Variants in JMY observed in about 807,000 individuals in gnomAD.
JMY encodes the protein junction mediating and regulatory protein, p53 cofactor.
Under a neutral mutation model 103.3 loss-of-function variants are expected in JMY, and 46 were observed. The observed-to-expected ratio is 0.45, with a 90% CI of 0.35 to 0.57. JMY has a LOEUF of 0.57. JMY is among the 20% of genes least tolerant of loss of function. The probability of loss-of-function intolerance (pLI) is 0.00; values close to 1 mark genes in which losing one functional copy is unlikely to be tolerated. For missense variants in JMY, 1,238 were observed against 1,255.2 expected (o/e 0.99, Z 0.21); for synonymous variants, 526 against 489.3 (o/e 1.07, Z -0.99).
intron 7 of JMY, among the ~76,000 whole-genome samples, chr5:79,307,482 CGTGT>C (rs1366729231): frequency 6.6e-6 from 1 of 151,760 alleles, no homozygotes; most frequent in African/African-American, 2.4e-5. Context: ...TGTGTGGGTG[CGTGT>C]GTGTGTTTAA....
chr5:79,268,259 A>G (rs1745642153), intron 1 of JMY, among the ~76,000 whole-genome samples: 1 of 152,090 alleles, frequency 6.6e-6, no homozygotes, highest in African/African-American at 2.4e-5. Flanking sequence ...TCAGTCATCT[A>G]TCAAAGTAAA....
At chr5:79,260,757 TAAC>T (rs1745397906) in intron 1 of JMY, among the ~76,000 whole-genome samples, 1 of 151,836 alleles carries the variant, frequency 6.6e-6, no homozygotes, top group African/African-American at 2.4e-5. Flanking sequence ...ATTTTAGTAT[TAAC>T]AAGTAATAAT....
intron 1 of JMY, among the ~76,000 whole-genome samples, chr5:79,273,327 TTTG>T (rs1320905058): frequency 2.0e-5 from 3 of 152,170 alleles, no homozygotes; most frequent in East Asian, 1.9e-4. Flanking sequence ...TGACAGATGT[TTTG>T]TTGTGTTTTG....
intron 1 of JMY, among the ~76,000 whole-genome samples, chr5:79,259,905 G>A (rs1452916672): frequency 2.6e-5 from 4 of 152,210 alleles, no homozygotes; most frequent in Admixed American, 6.5e-5. Context: ...CCCTGGGAGG[G>A]TGGGAATCCT....
chr5:79,305,388 G>T (rs540066972), intron 6 of JMY, among the ~76,000 whole-genome samples: 6 of 152,094 alleles, frequency 3.9e-5, no homozygotes. Context: ...GGAGGCGGAG[G>T]TTGCAGTAAG....
At chr5:79,321,373 A>G (rs1294203288) in intron 10 of JMY, among the ~76,000 whole-genome samples, 1 of 152,216 alleles carries the variant, frequency 6.6e-6, no homozygotes, top group East Asian at 1.9e-4. Flanking sequence ...TTTTTAGTAT[A>G]TAGTTTTCAT....
rs761818036 is a variant in JMY, at chr5:79,277,899, T to G, written c.1033-11T>G. ...TGATTTTCTTAGTTGTGAAACTGTC[T>G]TGTTCCACAGCTCTTGGATAAGCAC... On this transcript the variant is annotated splice_polypyrimidine_tract_variant and intron_variant, in intron 1 of 10. Coordinates refer to ENST00000396137, the MANE Select transcript of JMY (RefSeq NM_152405.5). 2 of 1,603,238 alleles carry G rather than the reference T, an allele frequency of 1.2e-6. No homozygotes were observed. The highest frequency in any genetic ancestry group is 1.7e-6 in the Non-Finnish European group (2 of 1,172,568).
chr5:79,251,611 G>T (rs1027816312), intron 1 of JMY, among the ~76,000 whole-genome samples: 2 of 151,246 alleles, frequency 1.3e-5, no homozygotes, highest in African/African-American at 4.9e-5. Flanking sequence ...CAAATACCGG[G>T]TCTCATTCAT....
chr5:79,303,641 G>A (rs369018156), intron 6 of JMY, among the ~76,000 whole-genome samples: 5 of 152,240 alleles, frequency 3.3e-5, no homozygotes, highest in African/African-American at 1.2e-4. Context: ...GCAGAAGAAC[G>A]GGATCAAAGA....
intron 3 of JMY, among the ~76,000 whole-genome samples, chr5:79,290,705 C>T (rs907138185): frequency 6.6e-6 from 1 of 152,098 alleles, no homozygotes; most frequent in Admixed American, 6.6e-5. Flanking sequence ...TTAGAAATGT[C>T]GGCCGGGCAC....
chr5:79,321,516 T>A (rs1747448556), intron 10 of JMY, 90 bp from the exon 11 acceptor site: 1 of 152,230 alleles, frequency 6.6e-6, no homozygotes, highest in African/African-American at 2.4e-5. Context: ...GTAAAAAATG[T>A]CTTTTTTACA....
At chr5:79,302,796 G>A (rs1746776833) in intron 6 of JMY, among the ~76,000 whole-genome samples, 1 of 152,146 alleles carries the variant, frequency 6.6e-6, no homozygotes, top group East Asian at 1.9e-4. Context: ...GAGAAGAGAT[G>A]GAAAGGTTCT....
At chr5:79,253,361 C>G (rs976625274) in intron 1 of JMY, among the ~76,000 whole-genome samples, 1 of 151,474 alleles carries the variant, frequency 6.6e-6, no homozygotes, top group Admixed American at 6.6e-5. Context: ...GGCGCAATCT[C>G]GGGTCACTAC....
At chr5:79,247,757 A>G (rs922873808) in intron 1 of JMY, among the ~76,000 whole-genome samples, 4 of 151,288 alleles carry the variant, frequency 2.6e-5, no homozygotes, top group Non-Finnish European at 4.4e-5. Flanking sequence ...GGTTCAAGCA[A>G]TTCTCCTGCC....
In JMY at chr5:79,300,652, CTCTTT is replaced by C; in HGVS notation, c.1694-22_1694-18del. 1 of 1,562,488 alleles carries C rather than the reference CTCTTT, an allele frequency of 6.4e-7. No individual in the cohort carries two copies. The highest frequency in any genetic ancestry group is 8.6e-7 in the Non-Finnish European group (1 of 1,157,122). On this transcript the variant is annotated intron_variant, in intron 5 of 10. Transcript: ENST00000396137. ...CCCTAGCCCATATTCTTTACCACTA[CTCTTT>C]TTTGCTGTTCTGTAACAGAAAAAAG...
intron 7 of JMY, among the ~76,000 whole-genome samples, chr5:79,307,730 G>A (rs562760058): frequency 1.1e-4 from 17 of 152,228 alleles, no homozygotes; most frequent in African/African-American, 4.1e-4. Flanking sequence ...CTAGTAAGGT[G>A]TCTGTTCAGA....
rs1747648984 is a variant in JMY, at chr5:79,326,433, T to C, written c.*4831T>C. On this transcript the variant is annotated 3_prime_UTR_variant, in exon 11 of 11. Coordinates refer to ENST00000396137, the MANE Select transcript of JMY (RefSeq NM_152405.5). Reference sequence around the variant, plus strand: ...CTTTTCCCAATACTAATTATATTGGTTTTAAAAAGTCTGCATAATCACTAG... The same window carrying C: ...CTTTTCCCAATACTAATTATATTGGCTTTAAAAAGTCTGCATAATCACTAG... 6.6e-6 allele frequency: 1 copy of C among 152,092 alleles called. No homozygotes were observed. Among genetic ancestry groups the C allele is most frequent in the African/African-American group, 2.4e-5 (1 of 41,420 alleles). 9.4% of individuals were successfully genotyped at this position (152,092 alleles called of 1,614,324 possible). A position where few individuals can be genotyped will look rare whatever the true frequency, so the allele number is the denominator to read the frequency against.
At chr5:79,257,193 C>T (rs1432173076) in intron 1 of JMY, among the ~76,000 whole-genome samples, 2 of 151,990 alleles carry the variant, frequency 1.3e-5, no homozygotes, top group African/African-American at 2.4e-5. Flanking sequence ...CTGCCTCAGC[C>T]TCCCAAGTAG....
intron 1 of JMY, among the ~76,000 whole-genome samples, chr5:79,253,969 A>G (rs760217781): frequency 2.1e-5 from 3 of 142,876 alleles, no homozygotes; most frequent in East Asian, 4.1e-4. Flanking sequence ...TTTTTTAAAG[A>G]CAGAGTCTTG....
Sources: allele counts gnomAD v4.1 joint callset (sites outside exome capture counted in the v4.1 genomes callset), GRCh38; gene constraint gnomAD v4.1.1; transcripts MANE v1.5; gene names NCBI Gene and HGNC (gene_info 2026-07-23, HGNC 2026-07-21).